Variants in ST6GALNAC3 observed in about 807,000 individuals in gnomAD.
The protein encoded by ST6GALNAC3 is alpha-N-acetylgalactosaminide alpha-2,6-sialyltransferase 3.
In ST6GALNAC3, 25 loss-of-function variants were observed where a neutral mutation model predicts 32.7. That is an observed-to-expected ratio of 0.76 (90% CI 0.56 to 1.07). ST6GALNAC3 has a LOEUF of 1.07. Ranked by LOEUF, ST6GALNAC3 falls within the 50% of genes least tolerant of loss-of-function variation. The pLI is 0.00. For missense variants in ST6GALNAC3, 355 were observed against 382.4 expected (o/e 0.93, Z 0.60); for synonymous variants, 129 against 133.1 (o/e 0.97, Z 0.21).
At chr1:76,221,765 C>G (rs954644120) in intron 1 of ST6GALNAC3, among the ~76,000 whole-genome samples, 1 of 152,158 alleles carries the variant, frequency 6.6e-6, no homozygotes, top group Non-Finnish European at 1.5e-5. Flanking sequence ...AGATTGGCCT[C>G]TTTATGCTCC....
At chr1:76,328,958 G>C (rs1647134070) in intron 2 of ST6GALNAC3, among the ~76,000 whole-genome samples, 1 of 152,120 alleles carries the variant, frequency 6.6e-6, no homozygotes, top group South Asian at 2.1e-4. Context: ...TTTAGGGCAT[G>C]AGTCTGTGGT....
rs1654306076 is a variant in ST6GALNAC3 at position 76,412,291 on chromosome 1, A to C, written c.497A>C (p.Asn166Thr). The change falls in exon 3 of 5, where the codon AAT (asparagine) becomes ACT (threonine). Residue 166 changes from asparagine (N) to threonine (T), a missense_variant. Coordinates refer to ENST00000328299, the MANE Select transcript of ST6GALNAC3 (RefSeq NM_152996.4). ...TTCCGCAATATGAGGAAAGATGGCA[A>C]TGGCATCGTTTACAACATGTTGAAA... ...GPFRNMRKDG[N>T]GIVYNMLKKT... 1.9e-6 allele frequency: 3 copies of C among 1,613,726 alleles called. No homozygotes were observed. The highest frequency in any genetic ancestry group is 3.3e-4 in the Middle Eastern group (2 of 6,060).
intron 1 of ST6GALNAC3, among the ~76,000 whole-genome samples, chr1:76,109,207 G>A (rs1295681113): frequency 6.6e-6 from 1 of 152,122 alleles, no homozygotes; most frequent in Non-Finnish European, 1.5e-5. Flanking sequence ...CAAACAGAAG[G>A]TGACAGGTTA....
Position 76,412,315 on chromosome 1 carries a change from A to C in ST6GALNAC3, c.521A>C (p.Lys174Thr). The C allele has an allele frequency of 1.2e-6, 2 of 1,613,734 alleles. No individual in the cohort carries two copies. Among genetic ancestry groups the C allele is most frequent in the Non-Finnish European group, 1.7e-6 (2 of 1,179,802 alleles). ...DGNGIVYNMLKKTVGIYPNAQ... is the reference protein window; with the variant it reads ...DGNGIVYNMLTKTVGIYPNAQ... ...AATGGCATCGTTTACAACATGTTGA[A>C]AAAGACAGTTGGTATCTATCCGAAT... The change falls in exon 3 of 5, where the codon AAA becomes ACA. Residue 174 changes from lysine (K) to threonine (T), a missense_variant. By Grantham distance (78) the Lys-to-Thr change is moderately conservative. Coordinates refer to ENST00000328299, the MANE Select transcript of ST6GALNAC3 (RefSeq NM_152996.4).
At chr1:76,358,541 C>T (rs1233495030) in intron 2 of ST6GALNAC3, among the ~76,000 whole-genome samples, 2 of 152,140 alleles carry the variant, frequency 1.3e-5, no homozygotes, top group East Asian at 1.9e-4. Context: ...ATCATTTCCT[C>T]ATATAGGACA....
chr1:76,255,665 C>T (rs1353320592), intron 1 of ST6GALNAC3, among the ~76,000 whole-genome samples: 1 of 152,134 alleles, frequency 6.6e-6, no homozygotes, highest in Non-Finnish European at 1.5e-5. Context: ...TGTTTCACTA[C>T]TTTGTTGCCT....
chr1:76,234,653 A>G (rs555599773), intron 1 of ST6GALNAC3, among the ~76,000 whole-genome samples: 11 of 152,348 alleles, frequency 7.2e-5, no homozygotes, highest in African/African-American at 1.7e-4. Flanking sequence ...AGAAAATTCA[A>G]TCTTCAAAAC....
intron 1 of ST6GALNAC3, among the ~76,000 whole-genome samples, chr1:76,252,684 G>A (rs1416461371): frequency 6.6e-6 from 1 of 152,058 alleles, no homozygotes; most frequent in African/African-American, 2.4e-5. Context: ...TTTGTCCTTG[G>A]GGGTATTTAA....
Position 76,275,437 on chromosome 1 carries a change from T to A in ST6GALNAC3, c.19-38368T>A, listed in dbSNP as rs139142528. 4.4e-3 allele frequency among the ~76,000 whole-genome samples: 674 copies of A among 152,310 alleles called. 3 individuals are homozygous for A. Among genetic ancestry groups the A allele is most frequent in the African/African-American group, 0.015 (638 of 41,576 alleles). Reference sequence around the variant, plus strand: ...TCCCAGGTGGCAGGAAGCTTAACTTTGGCCCTTCTTGGAGTTCTGCACTGA... The same window carrying A: ...TCCCAGGTGGCAGGAAGCTTAACTTAGGCCCTTCTTGGAGTTCTGCACTGA... On this transcript the variant is annotated intron_variant, in intron 1 of 4. Transcript: ENST00000328299.
chr1:76,594,718 A>G (rs1411355949), intron 3 of ST6GALNAC3, among the ~76,000 whole-genome samples: 1 of 152,198 alleles, frequency 6.6e-6, no homozygotes, highest in Non-Finnish European at 1.5e-5. Context: ...TCATCTTTCA[A>G]TAAACTATGT....
At chr1:76,485,366 T>C (rs1266789268) in intron 3 of ST6GALNAC3, among the ~76,000 whole-genome samples, 1 of 152,194 alleles carries the variant, frequency 6.6e-6, no homozygotes, top group Non-Finnish European at 1.5e-5. Context: ...CTTTTTTTGG[T>C]TGGTAGGCTA....
At chr1:76,077,825 A>G (rs1646837429) in intron 1 of ST6GALNAC3, among the ~76,000 whole-genome samples, 1 of 152,228 alleles carries the variant, frequency 6.6e-6, no homozygotes, top group African/African-American at 2.4e-5. Flanking sequence ...CTTTAGCTCA[A>G]AATAATCAAT....
At chr1:76,091,811 G>A (rs963675028) in intron 1 of ST6GALNAC3, among the ~76,000 whole-genome samples, 1 of 152,170 alleles carries the variant, frequency 6.6e-6, no homozygotes, top group Non-Finnish European at 1.5e-5. Flanking sequence ...CACCATCTAG[G>A]TGTATGTAAG....
At chr1:76,179,418 C>T (rs58737164) in intron 1 of ST6GALNAC3, among the ~76,000 whole-genome samples, 1 of 152,150 alleles carries the variant, frequency 6.6e-6, no homozygotes, top group South Asian at 2.1e-4. Context: ...CCATCTCTTT[C>T]CCCCACCTCC....
At chr1:76,536,299 A>G (rs1663592575) in intron 3 of ST6GALNAC3, among the ~76,000 whole-genome samples, 2 of 152,220 alleles carry the variant, frequency 1.3e-5, no homozygotes, top group Admixed American at 1.3e-4. Context: ...ACTGCTATGA[A>G]GAAATACCTG....
At position 76,629,185 on chromosome 1, in the gene ST6GALNAC3, G is replaced by C. The variant is rs1297639636; in HGVS notation, c.*379G>C. 9.8e-7 allele frequency: 1 copy of C among 1,015,854 alleles called. No individual in the cohort carries two copies. Among genetic ancestry groups the C allele is most frequent in the Non-Finnish European group, 1.2e-6 (1 of 851,182 alleles). The allele number at this position is 1,015,854 out of a possible 1,614,324, so 62.9% of individuals were successfully genotyped here. On this transcript the variant is annotated 3_prime_UTR_variant, in exon 5 of 5. Coordinates refer to ENST00000328299, the MANE Select transcript of ST6GALNAC3 (RefSeq NM_152996.4). Reference sequence around the variant, plus strand: ...AAGCCAAAAGAGTTTGGCTTCATGAGGCAAGGTGATTGACTCAATGGCTTG... The same window carrying C: ...AAGCCAAAAGAGTTTGGCTTCATGACGCAAGGTGATTGACTCAATGGCTTG...
chr1:76,204,191 A>G (rs1374979603), intron 1 of ST6GALNAC3, among the ~76,000 whole-genome samples: 1 of 151,996 alleles, frequency 6.6e-6, no homozygotes, highest in Non-Finnish European at 1.5e-5. Flanking sequence ...TAACATAATG[A>G]CCTCCACTTC....
In ST6GALNAC3 at chr1:76,577,060, G is replaced by T. The variant is rs545874200; in HGVS notation, c.624-50392G>T. 5.3e-6 allele frequency: 6 copies of T among 1,140,770 alleles called. No homozygotes were observed. In the South Asian group the frequency reaches 1.0e-4, roughly 19 times the overall value. 70.7% of individuals were successfully genotyped at this position (1,140,770 alleles called of 1,614,324 possible). The stretch of plus-strand genomic sequence containing the variant: ...AGTTCTTTCCCTTTGTAGACTTGCT[G>T]CATAATTATTCAGGTATGATGGTTA... On this transcript the variant is annotated intron_variant, in intron 3 of 4. Transcript: ENST00000328299.
At chr1:76,221,915 T>C (rs1655794915) in intron 1 of ST6GALNAC3, among the ~76,000 whole-genome samples, 1 of 152,174 alleles carries the variant, frequency 6.6e-6, no homozygotes, top group Admixed American at 6.5e-5. Context: ...ATCCAGGTCT[T>C]GGCGTGAGCT....
Sources: allele counts gnomAD v4.1 joint callset (sites outside exome capture counted in the v4.1 genomes callset), GRCh38; gene constraint gnomAD v4.1.1; transcripts MANE v1.5; gene names NCBI Gene and HGNC (gene_info 2026-07-23, HGNC 2026-07-21).